The following MIPOL1 variants were observed in gnomAD, a reference collection of about 807,000 sequenced individuals.
MIPOL1 encodes mirror-image polydactyly 1.
In MIPOL1, 57 loss-of-function variants were observed where a neutral mutation model predicts 60.9. That is an observed-to-expected ratio of 0.94 (90% confidence interval 0.76 to 1.17). MIPOL1 has a LOEUF of 1.17. MIPOL1 is among the 50% of genes most tolerant of loss of function. The pLI is 0.00. For synonymous variants in MIPOL1, 179 were observed against 168.8 expected, an observed-to-expected ratio of 1.06 and a Z score of -0.47; for missense variants, 551 against 511.6, an observed-to-expected ratio of 1.08 and a Z score of -0.74.
intron 9 of MIPOL1, among the ~76,000 whole-genome samples, chr14:37,329,768 T>C (rs1362108268): frequency 6.6e-6 from 1 of 152,164 alleles, no homozygotes; most frequent in Non-Finnish European, 1.5e-5. Flanking sequence ...AACTCTGCTT[T>C]GTGTTTTAAA....
chr14:37,257,599 T>G (rs1196443868), intron 3 of MIPOL1, among the ~76,000 whole-genome samples: 2 of 152,182 alleles, frequency 1.3e-5, no homozygotes, highest in Non-Finnish European at 2.9e-5. Flanking sequence ...TTGGTGGATC[T>G]GGAAATCATA....
chr14:37,491,215 T>C (rs1566706119), intron 11 of MIPOL1, among the ~76,000 whole-genome samples: 1 of 152,132 alleles, frequency 6.6e-6, no homozygotes, highest in South Asian at 2.1e-4. Context: ...TAATTCCAGG[T>C]ACTGTAGTAT....
chr14:37,263,867 A>G (rs1327953776), intron 3 of MIPOL1, among the ~76,000 whole-genome samples: 1 of 152,234 alleles, frequency 6.6e-6, no homozygotes, highest in Non-Finnish European at 1.5e-5. Flanking sequence ...TTAAGTTTTC[A>G]TCTGCCTAGA....
At chr14:37,263,744 A>G (rs1046741276) in intron 3 of MIPOL1, among the ~76,000 whole-genome samples, 4 of 152,228 alleles carry the variant, frequency 2.6e-5, no homozygotes, top group Non-Finnish European at 5.9e-5. Context: ...GTTAGTCATA[A>G]TGTTAGAAGA....
At chr14:37,375,659 A>G (rs565679290) in intron 10 of MIPOL1, among the ~76,000 whole-genome samples, 2 of 152,272 alleles carry the variant, frequency 1.3e-5, no homozygotes, top group East Asian at 1.9e-4. Context: ...CAACCTAAGA[A>G]GAATAGCTCA....
chr14:37,227,273 A>G (rs538824442), intron 1 of MIPOL1, among the ~76,000 whole-genome samples: 27 of 152,180 alleles, frequency 1.8e-4, no homozygotes, highest in Non-Finnish European at 3.8e-4. Flanking sequence ...TTGCTGTTCA[A>G]ATGAAATGGT....
chr14:37,303,627 A>T (rs990992485), intron 7 of MIPOL1, among the ~76,000 whole-genome samples: 4 of 151,742 alleles, frequency 2.6e-5, no homozygotes, highest in African/African-American at 9.7e-5. Context: ...TTTGTCTTTT[A>T]GAGTATTAGT....
chr14:37,220,099 G>A (rs1968495763), intron 1 of MIPOL1, among the ~76,000 whole-genome samples: 1 of 152,068 alleles, frequency 6.6e-6, no homozygotes, highest in Non-Finnish European at 1.5e-5. Context: ...ATTTTAGAAT[G>A]TATCATTTTA....
intron 1 of MIPOL1, among the ~76,000 whole-genome samples, chr14:37,200,854 G>C (rs1431414523): frequency 8.0e-4 from 23 of 28,746 alleles, no homozygotes; most frequent in African/African-American, 6.4e-3. Context: ...CTATCTATGT[G>C]TGTGTGTGTG....
At chr14:37,458,250 G>C (rs989963719) in intron 11 of MIPOL1, among the ~76,000 whole-genome samples, 126 of 152,264 alleles carry the variant, frequency 8.3e-4, no homozygotes, top group Non-Finnish European at 1.6e-4. Context: ...GCCAGCATTA[G>C]ATAGATCACT....
chr14:37,536,344 G>A (rs1566789869), intron 12 of MIPOL1, among the ~76,000 whole-genome samples: 2 of 152,256 alleles, frequency 1.3e-5, no homozygotes, highest in South Asian at 4.1e-4. Flanking sequence ...CATCCCAGGA[G>A]TCGTTTAAGA....
intron 12 of MIPOL1, among the ~76,000 whole-genome samples, chr14:37,534,175 A>G (rs1414730010): frequency 2.6e-5 from 4 of 152,138 alleles, no homozygotes; most frequent in African/African-American, 4.8e-5. Context: ...ATCACATTAA[A>G]TAAATTCCTC....
intron 6 of MIPOL1, chr14:37,276,864 G>A (rs1019722059): frequency 2.0e-4 from 30 of 151,286 alleles, no homozygotes; most frequent in African/African-American, 6.0e-4. Context: ...CCATGTCTGT[G>A]AAACACAGCA....
At chr14:37,451,025 A>C (rs1005303955) in intron 11 of MIPOL1, among the ~76,000 whole-genome samples, 18 of 152,326 alleles carry the variant, frequency 1.2e-4, no homozygotes, top group African/African-American at 3.8e-4. Context: ...AACTGTATTT[A>C]TAAAGTTAAT....
intron 12 of MIPOL1, among the ~76,000 whole-genome samples, chr14:37,512,873 C>T (rs1039634089): frequency 2.4e-4 from 36 of 152,058 alleles, no homozygotes; most frequent in Non-Finnish European, 5.2e-4. Flanking sequence ...TGGGAGGAGA[C>T]CTAAAACTTC....
intron 6 of MIPOL1, 98 bp from the exon 7 acceptor site, chr14:37,285,220 C>T: frequency 7.9e-7 from 1 of 1,268,346 alleles, no homozygotes; most frequent in East Asian, 2.4e-5. Flanking sequence ...TTGAGTAGTC[C>T]TTACAGTAAT....
intron 10 of MIPOL1, among the ~76,000 whole-genome samples, chr14:37,404,099 G>A (rs1011981185): frequency 6.6e-6 from 1 of 152,046 alleles, no homozygotes; most frequent in South Asian, 2.1e-4. Context: ...TATCAGTATG[G>A]TCCAACATGG....
chr14:37,380,873 A>G (rs573945989), intron 10 of MIPOL1, among the ~76,000 whole-genome samples: 2 of 152,270 alleles, frequency 1.3e-5, no homozygotes, highest in South Asian at 4.1e-4. Flanking sequence ...TAGGAGGCTG[A>G]ATTTTAGGCC....
At chr14:37,336,390 A>T (rs940261266) in intron 9 of MIPOL1, among the ~76,000 whole-genome samples, 1 of 148,814 alleles carries the variant, frequency 6.7e-6, no homozygotes, top group Non-Finnish European at 1.5e-5. Context: ...AATTATTATT[A>T]TATTATTATT....
Sources: allele counts gnomAD v4.1 joint callset (sites outside exome capture counted in the v4.1 genomes callset), GRCh38; gene constraint gnomAD v4.1.1; transcripts MANE v1.5; gene names NCBI Gene and HGNC (gene_info 2026-07-23, HGNC 2026-07-21).